HMCN2: variants seen among roughly 807,000 people sequenced by gnomAD.
HMCN2 encodes the protein hemicentin 2.
Under a neutral mutation model 377.5 loss-of-function variants are expected in HMCN2, and 325 were observed. The ratio of observed to expected loss-of-function variants is 0.86; its 90% CI spans 0.79 to 0.94. The LOEUF is 0.94. HMCN2 is among the 40% of genes least tolerant of loss of function. The pLI, the probability that HMCN2 is intolerant of heterozygous loss-of-function variation, is 0.00. For synonymous variants in HMCN2, 2,007 were observed against 2,046.8 expected (o/e 0.98, Z 0.53); for missense variants, 4,543 against 4,725.3 (o/e 0.96, Z 1.13).
Position 130,426,003 on chromosome 9 carries a change from T to TG in HMCN2, c.13879+79_13879+80insG, listed in dbSNP as rs1418149007. On this transcript the variant is annotated intron_variant, in intron 90 of 97. Coordinates refer to ENST00000683500, the MANE Select transcript of HMCN2 (RefSeq NM_001291815.2). ...GGGGCCCAAATGCACGTGGCTGGAA[T>TG]CCACCCCTGCCCCTAACATCCACTG... 7.5e-5 allele frequency: 82 copies of TG among 1,098,536 alleles called. No homozygotes were observed. The African/African-American group carries it at 1.2e-3, about 16-fold the overall frequency. The allele number at this position is 1,098,536 out of a possible 1,614,324, so 68.0% of individuals were successfully genotyped here. A position where few individuals can be genotyped will look rare whatever the true frequency, so the allele number is the denominator to read the frequency against.
intron 90 of HMCN2, among the ~76,000 whole-genome samples, chr9:130,426,418 C>T (rs933332011): frequency 2.6e-5 from 4 of 152,358 alleles, no homozygotes; most frequent in Non-Finnish European, 5.9e-5. Flanking sequence ...CTAAGAGCAC[C>T]GCTTTGAGGT....
intron 43 of HMCN2, among the ~76,000 whole-genome samples, chr9:130,367,174 T>G: frequency 6.6e-6 from 1 of 151,592 alleles, no homozygotes; most frequent in Non-Finnish European, 1.5e-5. Flanking sequence ...ATTACCGAGA[T>G]GGGAGACCCC....
intron 1 of HMCN2, among the ~76,000 whole-genome samples, chr9:130,277,260 C>T (rs1588156909): frequency 6.6e-6 from 1 of 152,228 alleles, no homozygotes; most frequent in African/African-American, 2.4e-5. Context: ...TGAGTGGAGC[C>T]AAGGTCACGG....
intron 23 of HMCN2, among the ~76,000 whole-genome samples, chr9:130,339,816 G>A (rs1260750357): frequency 1.3e-5 from 2 of 152,224 alleles, no homozygotes; most frequent in African/African-American, 2.4e-5. Flanking sequence ...TCCCATGGGT[G>A]GTTTTATATC....
chr9:130,328,779 A>G (rs1838277008), intron 22 of HMCN2, among the ~76,000 whole-genome samples: 2 of 152,168 alleles, frequency 1.3e-5, no homozygotes, highest in East Asian at 3.9e-4. Flanking sequence ...CTCCATCTGC[A>G]AAGTGGACAT....
intron 43 of HMCN2, among the ~76,000 whole-genome samples, chr9:130,366,782 A>G (rs1350577354): frequency 6.6e-6 from 1 of 152,110 alleles, no homozygotes; most frequent in African/African-American, 2.4e-5. Context: ...GAGAGACTGT[A>G]CCAGGCCCTG....
In HMCN2 at chr9:130,352,949, C is replaced by G. The variant is rs1195164186; in HGVS notation, c.4608C>G (p.Ser1536=). Residue 1536 remains serine (S), a synonymous_variant, in exon 31 of 98, where the codon TCC becomes TCG. Transcript: ENST00000683500. The part of the protein sequence containing the change: ...RVHAPPTIWG[S]NETGEVAVME... ...CAGCGCCCCCCACTATCTGGGGCTC[C>G]AACGAGACAGGCGAGGTGGCCGTCA... The G allele has an allele frequency of 1.8e-5, 23 of 1,295,008 alleles. No homozygotes were observed. The highest frequency in any genetic ancestry group is 2.2e-5 in the Non-Finnish European group (22 of 983,732). 80.2% of individuals were successfully genotyped at this position (1,295,008 alleles called of 1,614,324 possible).
At chr9:130,387,598 A>G (rs2131660313) in intron 61 of HMCN2, among the ~76,000 whole-genome samples, 1 of 152,302 alleles carries the variant, frequency 6.6e-6, no homozygotes, top group Middle Eastern at 3.4e-3. Flanking sequence ...GCTGCAGGGG[A>G]CACTGGGAAA....
chr9:130,324,048 T>C (rs1466062184), intron 19 of HMCN2, among the ~76,000 whole-genome samples: 4 of 152,234 alleles, frequency 2.6e-5, no homozygotes, highest in Non-Finnish European at 5.9e-5. Context: ...ACGTGTATCA[T>C]TTGACGATGT....
At chr9:130,325,532 T>A (rs1838087933) in intron 19 of HMCN2, 63 bp from the exon 20 acceptor site, 1 of 152,292 alleles carries the variant, frequency 6.6e-6, no homozygotes, top group South Asian at 2.1e-4. Flanking sequence ...TGTTTCTACC[T>A]TTTGGCCACT....
intron 34 of HMCN2, among the ~76,000 whole-genome samples, chr9:130,356,864 C>T (rs1481852460): frequency 6.6e-6 from 1 of 152,106 alleles, no homozygotes; most frequent in East Asian, 1.9e-4. Context: ...AGTAGATGCT[C>T]AGCACACATA....
At position 130,355,844 on chromosome 9, in the gene HMCN2, C is replaced by T; in HGVS notation, c.5245C>T (p.Pro1749Ser). ...LPCQASGSPV[P>S]TIQWLQNGRP... ...CTGCCAGGCCTCAGGCTCCCCAGTA[C>T]CCACTATCCAGTGAGTCTGGGGTGG... The change falls in exon 33 of 98, where the codon CCC (proline) becomes TCC (serine). Residue 1749 changes from proline to serine, a missense_variant. By Grantham distance (74) the Pro-to-Ser change is moderately conservative. Around this residue, in one of 5 missense-constraint regions of HMCN2, gnomAD observed 1,032 missense variants for 1,285.1 expected, o/e 0.80. Transcript: ENST00000683500. 12 of 1,301,304 alleles carry T rather than the reference C, an allele frequency of 9.2e-6. No homozygotes were observed. Among genetic ancestry groups the T allele is most frequent in the Non-Finnish European group, 1.2e-5 (12 of 986,608 alleles). The allele number at this position is 1,301,304 out of a possible 1,614,324, so 80.6% of individuals were successfully genotyped here. A position where few individuals can be genotyped will look rare whatever the true frequency, so the allele number is the denominator to read the frequency against.
chr9:130,337,345 G>A lies in HMCN2; in HGVS notation c.3360-549G>A, dbSNP rs1292204836. Among the ~76,000 whole-genome samples the A allele has an allele frequency of 1.1e-4, 16 of 152,230 alleles. No homozygotes were observed. In the South Asian group the frequency reaches 1.5e-3, roughly 14 times the overall value. The stretch of plus-strand genomic sequence containing the variant: ...AGTTCTGGACGTAAGAGCACCAAGC[G>A]ACTGCAGTCAGAGTCAGGCCGGCCC... On this transcript the variant is annotated intron_variant, in intron 22 of 97. Coordinates refer to ENST00000683500, the MANE Select transcript of HMCN2 (RefSeq NM_001291815.2).
intron 1 of HMCN2, among the ~76,000 whole-genome samples, chr9:130,276,671 A>G (rs1011136174): frequency 3.3e-5 from 5 of 152,008 alleles, no homozygotes; most frequent in African/African-American, 1.2e-4. Context: ...AGAACCACCC[A>G]CCCAGTTGGC....
At chr9:130,385,823 T>A in intron 60 of HMCN2, 61 bp downstream of exon 60, 1 of 1,187,908 alleles carries the variant, frequency 8.4e-7, no homozygotes, top group Non-Finnish European at 1.1e-6. Flanking sequence ...CTCCCAGCCC[T>A]GGCGAGCTGC....
chr9:130,287,594 T>C (rs1045770081), intron 4 of HMCN2, among the ~76,000 whole-genome samples: 7 of 150,756 alleles, frequency 4.6e-5, no homozygotes, highest in African/African-American at 1.5e-4. Context: ...GGTCTCCTTG[T>C]GTGCCCCTCC....
chr9:130,309,034 A>G (rs1837060525), intron 14 of HMCN2, among the ~76,000 whole-genome samples: 1 of 152,268 alleles, frequency 6.6e-6, no homozygotes, highest in Non-Finnish European at 1.5e-5. Context: ...TGGCCACACA[A>G]CAGTGTGAAT....
In HMCN2 at chr9:130,424,839, G is replaced by A. The variant is rs1435402883; in HGVS notation, c.13445G>A (p.Ser4482Asn). Residue 4482 changes from serine to asparagine, a missense_variant, in exon 88 of 98, where the codon AGT (serine) becomes AAT (asparagine). Around this residue, in one of 5 missense-constraint regions of HMCN2, gnomAD observed 1,155 missense variants for 1,157.7 expected, o/e 1.00. Coordinates refer to ENST00000683500, the MANE Select transcript of HMCN2 (RefSeq NM_001291815.2). ...APIYWALARE[S>N]GEALNGHSLT... ...ATCTACTGGGCCCTGGCCAGAGAGAGTGGGGAAGCCCTGAATGGCCACTCT... is the reference window on the plus strand; with the variant it reads ...ATCTACTGGGCCCTGGCCAGAGAGAATGGGGAAGCCCTGAATGGCCACTCT... 1 of 1,509,538 alleles carries A rather than the reference G, an allele frequency of 6.6e-7. No individual in the cohort carries two copies. Among genetic ancestry groups the A allele is most frequent in the Non-Finnish European group, 8.9e-7 (1 of 1,124,316 alleles). The allele number at this position is 1,509,538 out of a possible 1,614,324, so 93.5% of individuals were successfully genotyped here.
chr9:130,390,593 G>A (rs1564845423), intron 62 of HMCN2, among the ~76,000 whole-genome samples: 1 of 152,258 alleles, frequency 6.6e-6, no homozygotes, highest in Non-Finnish European at 1.5e-5. Context: ...GGCCCAGGGG[G>A]AAGCCCCAGT....
Sources: gnomAD v4.1 joint callset for allele counts (sites outside exome capture counted in the v4.1 genomes callset) on GRCh38, gnomAD v4.1.1 for gene constraint, gnomAD v4.1.1 regional missense constraint, MANE v1.5 for transcripts, NCBI Gene and HGNC (gene_info 2026-07-23, HGNC 2026-07-21) for gene names.